WDR72: variants seen among roughly 807,000 people sequenced by gnomAD.
The protein encoded by WDR72 is WD repeat domain 72.
WDR72 carries 120 observed loss-of-function variants against 124.2 expected under a neutral mutation model. The observed-to-expected ratio is 0.97, with a 90% CI of 0.83 to 1.12. WDR72 has a LOEUF of 1.12. Among genes scored for constraint, WDR72 ranks in the 50% most tolerant of loss-of-function variants. The probability of loss-of-function intolerance (pLI) is 0.00; values close to 1 mark genes in which losing one functional copy is unlikely to be tolerated. For synonymous variants in WDR72, 452 were observed against 441.7 expected (o/e 1.02, Z -0.29); for missense variants, 1,387 against 1,278.8 (o/e 1.08, Z -1.29).
intron 2 of WDR72, 107 bp downstream of exon 2, chr15:53,732,890 T>C (rs2018241577): frequency 7.4e-7 from 1 of 1,345,202 alleles, no homozygotes; most frequent in Non-Finnish European, 1.1e-6. Flanking sequence ...TTAATAAACA[T>C]CTTTTTAACA....
At chr15:53,601,395 T>G (rs147763264) in intron 17 of WDR72, among the ~76,000 whole-genome samples, 178 of 152,092 alleles carry the variant, frequency 1.2e-3, no homozygotes, top group African/African-American at 4.1e-3. Flanking sequence ...TTACCAGCCA[T>G]TACAAAAACA....
chr15:53,697,658 A>C (rs116966216), intron 13 of WDR72, among the ~76,000 whole-genome samples: 1 of 152,118 alleles, frequency 6.6e-6, no homozygotes, highest in Admixed American at 6.6e-5. Flanking sequence ...CTTTCATTCA[A>C]GTTTCTTCAT....
chr15:53,572,229 CTTGT>C (rs1213652574), intron 18 of WDR72, among the ~76,000 whole-genome samples: 1 of 152,090 alleles, frequency 6.6e-6, no homozygotes, highest in African/African-American at 2.4e-5. Context: ...TGTAATCCCA[CTTGT>C]TTATTTTTGC....
intron 13 of WDR72, among the ~76,000 whole-genome samples, chr15:53,696,188 T>C (rs1444801987): frequency 6.6e-6 from 1 of 152,166 alleles, no homozygotes; most frequent in Non-Finnish European, 1.5e-5. Context: ...GGCAGAGTGC[T>C]GGAGAAATGA....
intron 18 of WDR72, among the ~76,000 whole-genome samples, chr15:53,552,748 T>C (rs1893787332): frequency 6.6e-6 from 1 of 152,180 alleles, no homozygotes; most frequent in Non-Finnish European, 1.5e-5. Flanking sequence ...ATCCTCTGAC[T>C]TGGAAGACAG....
chr15:53,665,442 T>G, intron 14 of WDR72, 130 bp downstream of exon 14: 2 of 989,332 alleles, frequency 2.0e-6, no homozygotes, highest in South Asian at 2.8e-5. Context: ...CCAAGATTAC[T>G]TGGTAGATGC....
At chr15:53,731,931 C>A (rs553922707) in intron 2 of WDR72, among the ~76,000 whole-genome samples, 7 of 152,164 alleles carry the variant, frequency 4.6e-5, no homozygotes, top group African/African-American at 9.6e-5. Context: ...TTATAGTGAC[C>A]TACATATTAT....
At chr15:53,750,601 A>C (rs1161283070) in intron 1 of WDR72, among the ~76,000 whole-genome samples, 1 of 152,190 alleles carries the variant, frequency 6.6e-6, no homozygotes, top group Non-Finnish European at 1.5e-5. Flanking sequence ...CCATAGGTAG[A>C]GATTCCTCTG....
intron 13 of WDR72, among the ~76,000 whole-genome samples, chr15:53,684,895 GCCTGACC>G (rs1188666334): frequency 1.3e-5 from 2 of 152,318 alleles, no homozygotes; most frequent in East Asian, 3.9e-4. Context: ...TCAAGTGGGT[GCCTGACC>G]CCTGACCCCG....
At chr15:53,704,409 G>T (rs1031507777) in intron 11 of WDR72, among the ~76,000 whole-genome samples, 4 of 152,136 alleles carry the variant, frequency 2.6e-5, no homozygotes, top group African/African-American at 9.7e-5. Flanking sequence ...ATTTCAAGAA[G>T]AGTATAAATA....
chr15:53,606,147 CATGCCCAAATG>C (rs1325941777), intron 17 of WDR72, among the ~76,000 whole-genome samples: 1 of 152,150 alleles, frequency 6.6e-6, no homozygotes, highest in Non-Finnish European at 1.5e-5. Flanking sequence ...TTAGTCCAAA[CATGCCCAAATG>C]ACATTAAAGT....
At chr15:53,654,901 A>G (rs1350741775) in intron 14 of WDR72, among the ~76,000 whole-genome samples, 1 of 152,172 alleles carries the variant, frequency 6.6e-6, no homozygotes, top group African/African-American at 2.4e-5. Context: ...GATCGTTAGC[A>G]TACATAAATG....
At chr15:53,603,838 T>C (rs2414250) in intron 17 of WDR72, among the ~76,000 whole-genome samples, 116,450 of 151,980 alleles carry the variant, frequency 0.77, 44,852 homozygotes, top group Middle Eastern at 0.9. Context: ...AGAGATGACA[T>C]AAACAAATGG....
At chr15:53,530,823 C>T (rs920231309) in intron 18 of WDR72, among the ~76,000 whole-genome samples, 1 of 152,060 alleles carries the variant, frequency 6.6e-6, no homozygotes, top group Non-Finnish European at 1.5e-5. Context: ...ACATTCCCCT[C>T]TTGAATCAGT....
intron 18 of WDR72, among the ~76,000 whole-genome samples, chr15:53,576,704 G>A (rs1005453703): frequency 7.2e-5 from 11 of 152,000 alleles, no homozygotes; most frequent in African/African-American, 2.2e-4. Flanking sequence ...AGGGAAAATT[G>A]AACAAGACAG....
intron 4 of WDR72, 105 bp from the exon 5 acceptor site, chr15:53,715,472 T>A: frequency 7.3e-7 from 1 of 1,371,932 alleles, no homozygotes; most frequent in Non-Finnish European, 1.0e-6. Context: ...TATGATCAAT[T>A]AAGGTATTGA....
rs1891516471 is a variant in WDR72 at position 53,517,279 on chromosome 15, T to G, written c.*420A>C. The G allele has an allele frequency of 5.8e-6, 1 of 172,054 alleles. No individual in the cohort carries two copies. The highest frequency in any genetic ancestry group is 1.3e-5 in the Non-Finnish European group (1 of 79,974). 10.7% of individuals were successfully genotyped at this position (172,054 alleles called of 1,614,324 possible). On this transcript the variant is annotated 3_prime_UTR_variant, in exon 20 of 20. Coordinates refer to ENST00000360509, the MANE Select transcript of WDR72 (RefSeq NM_182758.4). ...TGGTAAAATTTTAGATTAAATACCT[T>G]GAAGCAGTATTAAATTTGTAAGTAA...
intron 18 of WDR72, among the ~76,000 whole-genome samples, chr15:53,526,218 C>T (rs1235726397): frequency 6.6e-6 from 1 of 151,994 alleles, no homozygotes; most frequent in Admixed American, 6.6e-5. Context: ...TGAAAAGTAA[C>T]TAGTAGGAAC....
intron 14 of WDR72, among the ~76,000 whole-genome samples, chr15:53,638,504 T>C (rs1385130391): frequency 1.3e-5 from 2 of 152,194 alleles, no homozygotes; most frequent in Admixed American, 1.3e-4. Flanking sequence ...AGTGACATTT[T>C]GTTATTGGTA....
Sources: allele counts gnomAD v4.1 joint callset (sites outside exome capture counted in the v4.1 genomes callset), GRCh38; gene constraint gnomAD v4.1.1; transcripts MANE v1.5; gene names NCBI Gene and HGNC (gene_info 2026-07-23, HGNC 2026-07-21).